SLC35F3: variants seen among roughly 807,000 people sequenced by gnomAD.
SLC35F3 encodes solute carrier family 35 member F3, also known as putative thiamine transporter SLC35F3.
A neutral mutation model predicts 49.9 loss-of-function variants in SLC35F3; 25 were observed. The observed-to-expected ratio is 0.50, with a 90% CI of 0.37 to 0.70. The LOEUF (loss-of-function observed/expected upper bound fraction) is 0.70. SLC35F3 is among the 30% of genes least tolerant of loss of function. The pLI, the probability that SLC35F3 is intolerant of heterozygous loss-of-function variation, is 0.00. For synonymous variants in SLC35F3, 275 were observed against 265.4 expected (o/e 1.04, Z -0.35); for missense variants, 525 against 639.8 (o/e 0.82, Z 1.94).
intron 2 of SLC35F3, among the ~76,000 whole-genome samples, chr1:234,014,185 T>C (rs1169092878): frequency 2.6e-5 from 4 of 152,142 alleles, no homozygotes; most frequent in South Asian, 4.1e-4. Flanking sequence ...TGGTTCCACA[T>C]ACACAAATCC....
chr1:234,285,221 C>T (rs1572134848), intron 3 of SLC35F3: 1 of 412,176 alleles, frequency 2.4e-6, no homozygotes, highest in East Asian at 7.0e-5. Flanking sequence ...TGATCAAGGA[C>T]ATTTCACTGG....
intron 3 of SLC35F3, among the ~76,000 whole-genome samples, chr1:234,294,684 G>A (rs936451811): frequency 1.3e-5 from 2 of 152,170 alleles, no homozygotes; most frequent in African/African-American, 4.8e-5. Flanking sequence ...GCTGAGTTCC[G>A]CTCATTTATT....
Position 233,904,725 on chromosome 1 carries a change from G to A in SLC35F3, c.-353G>A. Among the ~76,000 whole-genome samples, 1 of 151,930 alleles carries A rather than the reference G, an allele frequency of 6.6e-6. No individual in the cohort carries two copies. The highest frequency in any genetic ancestry group is 2.1e-4 in the South Asian group (1 of 4,828). On this transcript the variant is annotated 5_prime_UTR_variant, in exon 1 of 8. Coordinates refer to ENST00000366618, the MANE Select transcript of SLC35F3 (RefSeq NM_173508.4). ...AGGTGCCTCGAGAGCGCACAGCTGG[G>A]AGGGCTCTCCCGGTCGCGGCGAGAC...
chr1:233,975,375 T>G (rs1169876321), intron 2 of SLC35F3, among the ~76,000 whole-genome samples: 2 of 152,362 alleles, frequency 1.3e-5, no homozygotes, highest in East Asian at 3.9e-4. Flanking sequence ...CCAGAGCCCT[T>G]AGGGGACCTT....
At chr1:233,988,465 T>G (rs1406445787) in intron 2 of SLC35F3, among the ~76,000 whole-genome samples, 1 of 152,154 alleles carries the variant, frequency 6.6e-6, no homozygotes, top group African/African-American at 2.4e-5. Context: ...TTGCTATCAG[T>G]TCCCCTATTG....
chr1:234,284,789 A>C (rs1197659303), intron 3 of SLC35F3, among the ~76,000 whole-genome samples: 1 of 152,150 alleles, frequency 6.6e-6, no homozygotes, highest in African/African-American at 2.4e-5. Context: ...GAGGCTACTG[A>C]CTCACAGCTC....
At chr1:234,193,361 CA>C (rs1666758437) in intron 2 of SLC35F3, among the ~76,000 whole-genome samples, 1 of 152,064 alleles carries the variant, frequency 6.6e-6, no homozygotes, top group South Asian at 2.1e-4. Flanking sequence ...CCCTATTCAA[CA>C]AATGGTGTGG....
intron 2 of SLC35F3, among the ~76,000 whole-genome samples, chr1:233,949,978 G>A (rs1662576527): frequency 6.6e-6 from 1 of 152,074 alleles, no homozygotes; most frequent in Non-Finnish European, 1.5e-5. Context: ...GCCTGGTGGG[G>A]AACAGCCTAT....
chr1:234,236,081 G>A (rs975486881), intron 3 of SLC35F3, among the ~76,000 whole-genome samples: 2 of 152,086 alleles, frequency 1.3e-5, no homozygotes, highest in African/African-American at 4.8e-5. Flanking sequence ...AGCTGAGAGT[G>A]GGGGAAGGCC....
chr1:233,918,315 A>G (rs1385259958), intron 2 of SLC35F3, among the ~76,000 whole-genome samples: 1 of 152,210 alleles, frequency 6.6e-6, no homozygotes, highest in African/African-American at 2.4e-5. Context: ...CCTGTGCCTG[A>G]TAAGATGGCT....
At chr1:234,116,487 A>AC (rs1052785114) in intron 2 of SLC35F3, among the ~76,000 whole-genome samples, 4 of 34,282 alleles carry the variant, frequency 1.2e-4, no homozygotes, top group African/African-American at 1.7e-4. Flanking sequence ...CCTCCCTCCC[A>AC]CCCCCCATTA....
At chr1:233,946,910 A>C (rs1214550248) in intron 2 of SLC35F3, among the ~76,000 whole-genome samples, 1 of 152,232 alleles carries the variant, frequency 6.6e-6, no homozygotes, top group Non-Finnish European at 1.5e-5. Context: ...AATGTCACTC[A>C]TCCCTTCTGG....
intron 2 of SLC35F3, among the ~76,000 whole-genome samples, chr1:234,120,789 T>A (rs938267445): frequency 2.6e-5 from 4 of 152,214 alleles, no homozygotes; most frequent in Admixed American, 2.6e-4. Flanking sequence ...CTCCAATCTG[T>A]TTGCAGTTCT....
intron 2 of SLC35F3, among the ~76,000 whole-genome samples, chr1:234,193,224 T>C (rs1666755729): frequency 6.6e-6 from 1 of 152,096 alleles, no homozygotes; most frequent in Admixed American, 6.5e-5. Context: ...TAAAACAGCA[T>C]GGTACTGGTA....
chr1:234,277,703 C>T (rs529233323), intron 3 of SLC35F3, among the ~76,000 whole-genome samples: 2 of 152,322 alleles, frequency 1.3e-5, no homozygotes, highest in South Asian at 4.1e-4. Context: ...CTATTGTTCT[C>T]TCATCATAAC....
At chr1:233,945,958 T>C (rs1571990734) in intron 2 of SLC35F3, among the ~76,000 whole-genome samples, 1 of 152,226 alleles carries the variant, frequency 6.6e-6, no homozygotes, top group Non-Finnish European at 1.5e-5. Flanking sequence ...AGCTACCACT[T>C]TGGGGCCAAA....
chr1:234,083,659 G>T (rs1664915752), intron 2 of SLC35F3, among the ~76,000 whole-genome samples: 1 of 152,100 alleles, frequency 6.6e-6, no homozygotes, highest in Non-Finnish European at 1.5e-5. Context: ...ATAAGCATTG[G>T]ACTACTTCCT....
chr1:234,081,945 C>T (rs1247442039), intron 2 of SLC35F3, among the ~76,000 whole-genome samples: 2 of 70,918 alleles, frequency 2.8e-5, no homozygotes, highest in Non-Finnish European at 4.8e-5. Context: ...TTAGTAGAGA[C>T]AGGGTTTCAC....
intron 2 of SLC35F3, among the ~76,000 whole-genome samples, chr1:234,154,963 C>CTCAA (rs150225356): frequency 0.12 from 17,811 of 152,032 alleles, 3,290 homozygotes; most frequent in African/African-American, 0.39. Context: ...TTCCAGGATG[C>CTCAA]TCAAGTCTCT....
Sources: allele counts gnomAD v4.1 joint callset (sites outside exome capture counted in the v4.1 genomes callset), GRCh38; gene constraint gnomAD v4.1.1; transcripts MANE v1.5; gene names NCBI Gene and HGNC (gene_info 2026-07-23, HGNC 2026-07-21).